MGAT4C: variants seen among roughly 807,000 people sequenced by gnomAD.
The protein encoded by MGAT4C is alpha-1,3-mannosyl-glycoprotein 4-beta-N-acetylglucosaminyltransferase C.
In MGAT4C, 19 loss-of-function variants were observed where a neutral mutation model predicts 40.1. That is an observed-to-expected ratio of 0.47 (90% CI 0.33 to 0.70). MGAT4C has a LOEUF of 0.70. Among genes scored for constraint, MGAT4C ranks in the 30% least tolerant of loss-of-function variants. The pLI is 0.02. For synonymous variants in MGAT4C, 181 were observed against 187.1 expected (o/e 0.97, Z 0.27); for missense variants, 491 against 563.2 (o/e 0.87, Z 1.30).
chr12:86,773,668 A>G (rs1951677735), intron 1 of MGAT4C, among the ~76,000 whole-genome samples: 1 of 152,030 alleles, frequency 6.6e-6, no homozygotes, highest in Admixed American at 6.6e-5. Context: ...TAATAAATCT[A>G]ATAATTTATA....
chr12:86,777,994 C>CT (rs1454343983), intron 1 of MGAT4C, among the ~76,000 whole-genome samples: 3 of 151,770 alleles, frequency 2.0e-5, no homozygotes, highest in African/African-American at 4.8e-5. Context: ...TTCCTTATTC[C>CT]TTTTTCTCTA....
At chr12:86,420,875 A>C (rs1208046492) in intron 3 of MGAT4C, among the ~76,000 whole-genome samples, 1 of 146,800 alleles carries the variant, frequency 6.8e-6, no homozygotes, top group Non-Finnish European at 1.5e-5. Flanking sequence ...ATATATATAC[A>C]TACATGTATA....
intron 2 of MGAT4C, among the ~76,000 whole-genome samples, chr12:86,039,186 G>A (rs899973851): frequency 9.9e-5 from 15 of 152,078 alleles, no homozygotes; most frequent in African/African-American, 3.4e-4. Flanking sequence ...TGAATCTGAT[G>A]ATTATGTGTC....
chr12:86,280,262 T>C (rs1953182497), intron 4 of MGAT4C, among the ~76,000 whole-genome samples: 1 of 152,090 alleles, frequency 6.6e-6, no homozygotes, highest in African/African-American at 2.4e-5. Context: ...TGTTATTATA[T>C]TGGAGTCTAT....
intron 3 of MGAT4C, among the ~76,000 whole-genome samples, chr12:86,391,407 A>C (rs1232529476): frequency 1.3e-5 from 2 of 152,078 alleles, no homozygotes; most frequent in African/African-American, 4.8e-5. Flanking sequence ...ATTCACATGT[A>C]ATAATAAACA....
At chr12:86,025,535 G>C (rs2136882599) in intron 2 of MGAT4C, among the ~76,000 whole-genome samples, 1 of 151,676 alleles carries the variant, frequency 6.6e-6, no homozygotes, top group African/African-American at 2.4e-5. Context: ...TTGTTGAAAA[G>C]CTCATAAAAC....
intron 1 of MGAT4C, among the ~76,000 whole-genome samples, chr12:86,732,096 T>C (rs1565953653): frequency 6.6e-6 from 1 of 152,188 alleles, no homozygotes; most frequent in Admixed American, 6.5e-5. Flanking sequence ...GCTTTGAAAA[T>C]ATATGAAAAC....
chr12:86,569,592 G>T (rs7134438), intron 2 of MGAT4C, among the ~76,000 whole-genome samples: 1 of 151,988 alleles, frequency 6.6e-6, no homozygotes, highest in Non-Finnish European at 1.5e-5. Flanking sequence ...GTTGCTATGA[G>T]TGTTAATTAT....
chr12:86,139,068 C>A (rs1389959516), intron 1 of MGAT4C, among the ~76,000 whole-genome samples: 1 of 152,012 alleles, frequency 6.6e-6, no homozygotes, highest in Non-Finnish European at 1.5e-5. Context: ...TTGCCTCACC[C>A]TAGAGTAATT....
chr12:86,516,352 AT>A lies in MGAT4C; in HGVS notation c.-228-81088del, dbSNP rs1424237004. Among the ~76,000 whole-genome samples the A allele has an allele frequency of 2.0e-5, 3 of 152,182 alleles. No homozygotes were observed. The East Asian group carries it at 5.8e-4, about 29-fold the overall frequency. ...CCAAGATAATTCAGCGGAGGAAAGA[AT>A]AGTCTTTTCAACAAATAGTACTGGA... On this transcript the variant is annotated intron_variant, in intron 2 of 7. Coordinates refer to the MGAT4C transcript ENST00000548651.
At chr12:86,761,965 G>T (rs537388641) in intron 1 of MGAT4C, among the ~76,000 whole-genome samples, 1 of 152,022 alleles carries the variant, frequency 6.6e-6, no homozygotes, top group African/African-American at 2.4e-5. Context: ...CTTTGTCAGG[G>T]GGGCATTATT....
intron 1 of MGAT4C, among the ~76,000 whole-genome samples, chr12:86,056,313 C>T (rs1033435621): frequency 1.3e-5 from 2 of 152,106 alleles, no homozygotes; most frequent in Non-Finnish European, 2.9e-5. Context: ...TATACATGTG[C>T]CATGTTGGTT....
intron 1 of MGAT4C, among the ~76,000 whole-genome samples, chr12:86,193,134 AT>A (rs1306529804): frequency 6.6e-6 from 1 of 151,988 alleles, no homozygotes; most frequent in East Asian, 1.9e-4. Context: ...AATCAGATAT[AT>A]TTGACTTTAA....
chr12:86,233,739 C>A (rs1000224738), intron 1 of MGAT4C, among the ~76,000 whole-genome samples: 2 of 151,972 alleles, frequency 1.3e-5, no homozygotes, highest in African/African-American at 4.8e-5. Context: ...TAAAGAAAAA[C>A]TCATGAAAAT....
chr12:86,495,636 T>C (rs1258730915), intron 2 of MGAT4C, among the ~76,000 whole-genome samples: 4 of 152,002 alleles, frequency 2.6e-5, no homozygotes, highest in East Asian at 3.9e-4. Flanking sequence ...ATGGAAAGAG[T>C]AGCAGATACC....
chr12:86,729,204 AG>A (rs1264466804), intron 1 of MGAT4C, among the ~76,000 whole-genome samples: 1 of 152,164 alleles, frequency 6.6e-6, no homozygotes, highest in African/African-American at 2.4e-5. Context: ...TAAAATAAGT[AG>A]AAGAGTATCA....
At chr12:86,096,207 CTT>C (rs969964927) in intron 1 of MGAT4C, among the ~76,000 whole-genome samples, 1 of 151,746 alleles carries the variant, frequency 6.6e-6, no homozygotes, top group Non-Finnish European at 1.5e-5. Context: ...TAAAAATTCT[CTT>C]AAGTTCAGTA....
intron 1 of MGAT4C, among the ~76,000 whole-genome samples, chr12:86,798,588 ATTAT>A (rs1322357449): frequency 1.3e-5 from 2 of 151,902 alleles, no homozygotes; most frequent in African/African-American, 4.8e-5. Flanking sequence ...GTAATTCCAT[ATTAT>A]TTATCAATCT....
intron 2 of MGAT4C, among the ~76,000 whole-genome samples, chr12:86,581,212 T>A (rs1960765423): frequency 6.6e-6 from 1 of 151,450 alleles, no homozygotes; most frequent in Admixed American, 6.6e-5. Context: ...GATGTTGAGA[T>A]TTTCTATAAC....
Sources: allele counts gnomAD v4.1 joint callset (sites outside exome capture counted in the v4.1 genomes callset), GRCh38; gene constraint gnomAD v4.1.1; transcripts MANE v1.5; gene names NCBI Gene and HGNC (gene_info 2026-07-23, HGNC 2026-07-21).